Variants in GRIP1 observed in about 807,000 individuals in gnomAD.
GRIP1 encodes the protein glutamate receptor-interacting protein 1.
In GRIP1, 45 loss-of-function variants were observed where a neutral mutation model predicts 129.9. The observed-to-expected ratio is 0.35, with a 90% confidence interval of 0.27 to 0.44. GRIP1 has a LOEUF of 0.44. Ranked by LOEUF, GRIP1 falls within the 20% of genes least tolerant of loss-of-function variation. The pLI is 1.00. For missense variants in GRIP1, 1,196 were observed against 1,396.8 expected, an observed-to-expected ratio of 0.86 and a Z score of 2.29; for synonymous variants, 530 against 520.8, an observed-to-expected ratio of 1.02 and a Z score of -0.24.
At chr12:66,979,804 G>A (rs2042218119) in intron 1 of GRIP1, among the ~76,000 whole-genome samples, 1 of 152,132 alleles carries the variant, frequency 6.6e-6, no homozygotes, top group Non-Finnish European at 1.5e-5. Flanking sequence ...GGCAGAAACT[G>A]CAGTGATTCA....
chr12:66,528,109 T>C (rs925636586), intron 5 of GRIP1, among the ~76,000 whole-genome samples: 2 of 151,108 alleles, frequency 1.3e-5, no homozygotes, highest in Admixed American at 1.3e-4. Flanking sequence ...TAATGCAAGA[T>C]AGAATTATAC....
At chr12:66,755,960 T>C (rs1386021240) in intron 1 of GRIP1, among the ~76,000 whole-genome samples, 1 of 152,188 alleles carries the variant, frequency 6.6e-6, no homozygotes, top group Non-Finnish European at 1.5e-5. Flanking sequence ...TGAGAAGCAG[T>C]AACCAGCCCT....
chr12:66,568,114 T>C, intron 2 of GRIP1: 1 of 280,300 alleles, frequency 3.6e-6, no homozygotes, highest in South Asian at 4.9e-5. Flanking sequence ...CAGCTACAAA[T>C]TTTACATTGT....
chr12:66,805,572 TAAAG>T (rs2038973350), upstream of GRIP1, among the ~76,000 whole-genome samples: 1 of 152,198 alleles, frequency 6.6e-6, no homozygotes, highest in Non-Finnish European at 1.5e-5. Flanking sequence ...TCTTACTGAA[TAAAG>T]ATAGTTCAAT....
intron 1 of GRIP1, among the ~76,000 whole-genome samples, chr12:67,048,872 C>T (rs2043296865): frequency 1.3e-5 from 2 of 152,158 alleles, no homozygotes; most frequent in Admixed American, 1.3e-4. Flanking sequence ...GATCGTGAGG[C>T]CTCCCCAGCC....
intron 1 of GRIP1, among the ~76,000 whole-genome samples, chr12:66,709,229 A>T (rs1309595644): frequency 3.3e-5 from 5 of 151,990 alleles, no homozygotes; most frequent in African/African-American, 1.2e-4. Flanking sequence ...GTGGTCTGAG[A>T]TCTGTGAGAA....
intron 23 of GRIP1, among the ~76,000 whole-genome samples, chr12:66,369,708 C>T (rs1195383185): frequency 6.6e-6 from 1 of 152,064 alleles, no homozygotes; most frequent in Non-Finnish European, 1.5e-5. Context: ...CAGAACTGCA[C>T]AGAAGAGGGG....
chr12:66,364,778 G>A (rs1388537428), intron 23 of GRIP1, among the ~76,000 whole-genome samples: 1 of 151,898 alleles, frequency 6.6e-6, no homozygotes, highest in South Asian at 2.1e-4. Flanking sequence ...ATTCAGTGAA[G>A]CTAATCAAAA....
intron 7 of GRIP1, among the ~76,000 whole-genome samples, chr12:66,470,666 A>G (rs2059413780): frequency 6.6e-6 from 1 of 152,194 alleles, no homozygotes; most frequent in Non-Finnish European, 1.5e-5. Context: ...AACAAGAACC[A>G]TGGGGTAGAG....
Position 66,349,113 on chromosome 12 carries a change from A to T in GRIP1, c.3293T>A (p.Leu1098Gln). The change falls in exon 25 of 25, where the codon CTA becomes CAA. Residue 1098 changes from leucine to glutamine, a missense_variant. Transcript: ENST00000359742. ...ASQKSIDQQS[L>Q]PGDWSEQNSA... ...GTTCTGTTCACTCCAATCTCCTGGT[A>T]GACTCTGTTGGTCTATAGACTTCTG... 6.2e-7 allele frequency: 1 copy of T among 1,614,048 alleles called. No individual in the cohort carries two copies. The highest frequency in any genetic ancestry group is 8.5e-7 in the Non-Finnish European group (1 of 1,179,922).
At position 66,631,417 on chromosome 12, in the gene GRIP1, C is replaced by T. The variant is rs553933308; in HGVS notation, c.56-34490G>A. ...AATATTTGTTCATTGGCTCTGCTTACTGCTCTGATAAAAGAGATCTTAAAG... is the reference window on the plus strand; with the variant it reads ...AATATTTGTTCATTGGCTCTGCTTATTGCTCTGATAAAAGAGATCTTAAAG... On this transcript the variant is annotated intron_variant, in intron 1 of 24. Coordinates refer to ENST00000359742, the MANE Select transcript of GRIP1 (RefSeq NM_001366722.1). Among the ~76,000 whole-genome samples, 7 of 152,292 alleles carry T rather than the reference C, an allele frequency of 4.6e-5. 1 individual carries two copies. In the South Asian group the frequency reaches 1.5e-3, roughly 32 times the overall value.
At chr12:66,693,164 A>G (rs1314458049) in intron 1 of GRIP1, among the ~76,000 whole-genome samples, 2 of 151,908 alleles carry the variant, frequency 1.3e-5, no homozygotes, top group Admixed American at 6.5e-5. Flanking sequence ...TCATGAGCTT[A>G]TGAATGACAG....
chr12:66,596,462 A>G (rs1196583730), intron 2 of GRIP1, among the ~76,000 whole-genome samples: 1 of 152,232 alleles, frequency 6.6e-6, no homozygotes, highest in African/African-American at 2.4e-5. Flanking sequence ...TGCATTCAGC[A>G]TACATGATCT....
At chr12:67,007,397 C>T (rs1450650097) in intron 1 of GRIP1, among the ~76,000 whole-genome samples, 1 of 152,094 alleles carries the variant, frequency 6.6e-6, no homozygotes, top group African/African-American at 2.4e-5. Flanking sequence ...ATACAACCTG[C>T]CTTTCTCTTC....
intron 1 of GRIP1, among the ~76,000 whole-genome samples, chr12:66,917,236 C>T (rs907746529): frequency 7.2e-5 from 11 of 152,176 alleles, no homozygotes; most frequent in Non-Finnish European, 1.5e-4. Flanking sequence ...ATTTAAAATA[C>T]ATTCACATGC....
chr12:66,410,737 T>C (rs201939721), intron 15 of GRIP1, among the ~76,000 whole-genome samples: 13 of 152,298 alleles, frequency 8.5e-5, no homozygotes, highest in East Asian at 5.8e-4. Flanking sequence ...CTAAGAGTTA[T>C]CGGCCTTAAA....
intron 1 of GRIP1, among the ~76,000 whole-genome samples, chr12:66,915,761 C>T (rs998802892): frequency 6.6e-6 from 1 of 152,182 alleles, no homozygotes; most frequent in Non-Finnish European, 1.5e-5. Context: ...AGGATTACTT[C>T]CTGCTGCTGC....
At chr12:67,047,211 T>C (rs889787052) in intron 1 of GRIP1, among the ~76,000 whole-genome samples, 2 of 152,150 alleles carry the variant, frequency 1.3e-5, no homozygotes, top group Admixed American at 6.6e-5. Flanking sequence ...GGATATAAGT[T>C]CCAATTTTCC....
chr12:66,644,705 C>A (rs943369658), intron 1 of GRIP1, among the ~76,000 whole-genome samples: 1 of 152,164 alleles, frequency 6.6e-6, no homozygotes, highest in Non-Finnish European at 1.5e-5. Flanking sequence ...CTTTATCTTA[C>A]GTAGGACTCT....
Sources: allele counts gnomAD v4.1 joint callset (sites outside exome capture counted in the v4.1 genomes callset), GRCh38; gene constraint gnomAD v4.1.1; transcripts MANE v1.5; gene names NCBI Gene and HGNC (gene_info 2026-07-23, HGNC 2026-07-21).